ADAMTS19: variants seen among roughly 807,000 people sequenced by gnomAD.
ADAMTS19 encodes the protein A disintegrin and metalloproteinase with thrombospondin motifs 19.
Under a neutral mutation model 153.3 loss-of-function variants are expected in ADAMTS19, and 93 were observed. That is an observed-to-expected ratio of 0.61 (90% CI 0.51 to 0.72). The LOEUF (loss-of-function observed/expected upper bound fraction) is 0.72, where lower values mean the gene tolerates loss of function less well. Among genes scored for constraint, ADAMTS19 ranks in the 30% least tolerant of loss-of-function variants. ADAMTS19 has a pLI of 0.00. For synonymous variants in ADAMTS19, 600 were observed against 556.6 expected (o/e 1.08, Z -1.10); for missense variants, 1,482 against 1,552.1 (o/e 0.95, Z 0.76).
chr5:129,483,751 G>T (rs1234847820), intron 2 of ADAMTS19, among the ~76,000 whole-genome samples: 1 of 152,132 alleles, frequency 6.6e-6, no homozygotes, highest in Non-Finnish European at 1.5e-5. Flanking sequence ...CATGAAGAAA[G>T]GTGGCCATAT....
chr5:129,705,582 A>G (rs1217109494), intron 21 of ADAMTS19, among the ~76,000 whole-genome samples: 3 of 152,238 alleles, frequency 2.0e-5, no homozygotes, highest in African/African-American at 4.8e-5. Flanking sequence ...AACAACATAA[A>G]TCGATCCCTA....
At chr5:129,561,753 T>C (rs1254660409) in intron 7 of ADAMTS19, among the ~76,000 whole-genome samples, 1 of 152,136 alleles carries the variant, frequency 6.6e-6, no homozygotes, top group South Asian at 2.1e-4. Context: ...ATCAATTATC[T>C]ATTGATTGGA....
rs1363686920 is a variant in ADAMTS19, at chr5:129,738,340, A to G, written c.*1122A>G. 6.6e-6 allele frequency: 1 copy of G among 152,034 alleles called. No individual in the cohort carries two copies. Among genetic ancestry groups the G allele is most frequent in the Non-Finnish European group, 1.5e-5 (1 of 67,976 alleles). 9.4% of individuals were successfully genotyped at this position (152,034 alleles called of 1,614,324 possible). A position where few individuals can be genotyped will look rare whatever the true frequency, so the allele number is the denominator to read the frequency against. On this transcript the variant is annotated 3_prime_UTR_variant, in exon 23 of 23. Transcript: ENST00000274487. ...AAAATATGTAAAACTTCCCACTGAG[A>G]GACAATTCTTCATAGACTTGTCACA...
At chr5:129,559,442 G>A (rs1013015532) in intron 7 of ADAMTS19, among the ~76,000 whole-genome samples, 1 of 151,992 alleles carries the variant, frequency 6.6e-6, no homozygotes, top group African/African-American at 2.4e-5. Context: ...TAAAGGAAAT[G>A]AACATTCAGA....
Position 129,593,492 on chromosome 5 carries a change from T to G in ADAMTS19, c.1373-3067T>G, listed in dbSNP as rs1039262839. Among the ~76,000 whole-genome samples, 3 of 152,312 alleles carry G rather than the reference T, an allele frequency of 2.0e-5. No homozygotes were observed. The South Asian group carries it at 6.2e-4, about 32-fold the overall frequency. Reference sequence around the variant, plus strand: ...ATCTCACTCCCTGATAAAGTTCCTTTTTTTTGTAAAATGTCTGCTCTTTTT... The same window carrying G: ...ATCTCACTCCCTGATAAAGTTCCTTGTTTTTGTAAAATGTCTGCTCTTTTT... On this transcript the variant is annotated intron_variant, in intron 7 of 22. Coordinates refer to ENST00000274487, the MANE Select transcript of ADAMTS19 (RefSeq NM_133638.6).
At chr5:129,725,258 G>T (rs552516287) in intron 21 of ADAMTS19, among the ~76,000 whole-genome samples, 8 of 152,236 alleles carry the variant, frequency 5.3e-5, no homozygotes, top group African/African-American at 1.9e-4. Context: ...GGACAAGTGT[G>T]CAGTTTGACC....
rs58216053 is a variant in ADAMTS19, at chr5:129,634,891, A to AAGAG, written c.1771-6952_1771-6949dup. 3.5e-4 allele frequency among the ~76,000 whole-genome samples: 53 copies of AAGAG among 150,264 alleles called. 1 individual carries two copies. The highest frequency in any genetic ancestry group is 8.3e-4 in the African/African-American group (34 of 41,020). On this transcript the variant is annotated intron_variant, in intron 10 of 22. Transcript: ENST00000274487. ...AGCAATTGCAACAAAAGCAAAATAA[A>AAGAG]AGAGAGAGAGAGAGAGAGAAATGGG...
At chr5:129,698,764 G>T (rs912668385) in intron 19 of ADAMTS19, among the ~76,000 whole-genome samples, 6 of 152,128 alleles carry the variant, frequency 3.9e-5, no homozygotes, top group African/African-American at 9.7e-5. Context: ...ATATGTAGAT[G>T]GACTTAGATT....
chr5:129,605,856 G>T (rs1312756071), intron 8 of ADAMTS19, among the ~76,000 whole-genome samples: 1 of 152,136 alleles, frequency 6.6e-6, no homozygotes, highest in Non-Finnish European at 1.5e-5. Context: ...CTACTTCCTA[G>T]AGATGTTGAG....
At chr5:129,533,874 G>A (rs1452114080) in intron 6 of ADAMTS19, among the ~76,000 whole-genome samples, 1 of 151,984 alleles carries the variant, frequency 6.6e-6, no homozygotes, top group Non-Finnish European at 1.5e-5. Context: ...TTCAGGAGCA[G>A]GTTGTTCAGT....
intron 4 of ADAMTS19, among the ~76,000 whole-genome samples, chr5:129,526,730 C>CT (rs1752022950): frequency 6.6e-6 from 1 of 151,138 alleles, no homozygotes; most frequent in Non-Finnish European, 1.5e-5. Flanking sequence ...TGTTCTTTTC[C>CT]TTTTTTAAAA....
chr5:129,467,232 C>T (rs866402070), intron 2 of ADAMTS19, among the ~76,000 whole-genome samples: 2 of 152,022 alleles, frequency 1.3e-5, no homozygotes, highest in Non-Finnish European at 2.9e-5. Flanking sequence ...ATGCTGTATG[C>T]CTCAGTGACA....
At chr5:129,615,763 G>A (rs986265996) in intron 8 of ADAMTS19, among the ~76,000 whole-genome samples, 4 of 151,950 alleles carry the variant, frequency 2.6e-5, no homozygotes, top group Admixed American at 1.3e-4. Context: ...GATAGCAATA[G>A]AATTGAAAAG....
At position 129,461,780 on chromosome 5, in the gene ADAMTS19, T is replaced by C. The variant is rs1252029132; in HGVS notation, c.747+23T>C. ...CTGGTAAGCGCCTTCTTTCCCTAGCTCTCCATTTTCCCCTGCTGCTCCTCT... is the reference window on the plus strand; with the variant it reads ...CTGGTAAGCGCCTTCTTTCCCTAGCCCTCCATTTTCCCCTGCTGCTCCTCT... On this transcript the variant is annotated intron_variant, in intron 2 of 22. Coordinates refer to ENST00000274487, the MANE Select transcript of ADAMTS19 (RefSeq NM_133638.6). The surrounding 1 kb of genome is among the most constrained non-coding windows in gnomAD (Gnocchi z 4.6). 2 of 1,474,298 alleles carry C rather than the reference T, an allele frequency of 1.4e-6. No homozygotes were observed. The highest frequency in any genetic ancestry group is 1.8e-6 in the Non-Finnish European group (2 of 1,121,348). The allele number at this position is 1,474,298 out of a possible 1,614,324, so 91.3% of individuals were successfully genotyped here.
intron 3 of ADAMTS19, among the ~76,000 whole-genome samples, chr5:129,522,332 C>CACATATATATATATATATATAT (rs1309115957): frequency 1.7e-5 from 1 of 58,626 alleles, no homozygotes; most frequent in Non-Finnish European, 2.8e-5. Context: ...CACACACACA[C>CACATATATATATATATATATAT]ATATATATAT....
intron 8 of ADAMTS19, among the ~76,000 whole-genome samples, chr5:129,598,397 G>A (rs976956236): frequency 1.3e-5 from 2 of 152,108 alleles, no homozygotes; most frequent in East Asian, 1.9e-4. Flanking sequence ...ATTGGTAAAG[G>A]AAAGCTTAGA....
intron 21 of ADAMTS19, among the ~76,000 whole-genome samples, chr5:129,733,894 GAATC>G (rs1354822677): frequency 2.0e-5 from 3 of 151,340 alleles, no homozygotes; most frequent in Non-Finnish European, 4.4e-5. Flanking sequence ...CAAAGTTATG[GAATC>G]AATCAAAGTG....
intron 2 of ADAMTS19, among the ~76,000 whole-genome samples, chr5:129,469,584 A>G (rs890639544): frequency 3.3e-5 from 5 of 152,246 alleles, no homozygotes; most frequent in Admixed American, 6.5e-5. Context: ...AGGTTTATGT[A>G]TAAACCTATT....
chr5:129,665,190 A>C (rs1358774751), intron 15 of ADAMTS19, among the ~76,000 whole-genome samples: 1 of 149,324 alleles, frequency 6.7e-6, no homozygotes, highest in African/African-American at 2.4e-5. Flanking sequence ...TGTGTTTCTA[A>C]CCAGGCTGTT....
Sources: allele counts gnomAD v4.1 joint callset (sites outside exome capture counted in the v4.1 genomes callset), GRCh38; gene constraint gnomAD v4.1.1; non-coding constraint Gnocchi (gnomAD v3.1); transcripts MANE v1.5; gene names NCBI Gene and HGNC (gene_info 2026-07-23, HGNC 2026-07-21).